MARK1: variants seen among roughly 807,000 people sequenced by gnomAD.
MARK1 encodes microtubule affinity regulating kinase 1.
A neutral mutation model predicts 96.3 loss-of-function variants in MARK1; 40 were observed. The observed-to-expected ratio is 0.42, with a 90% CI of 0.32 to 0.54. MARK1 has a LOEUF of 0.54. Ranked by LOEUF, MARK1 falls within the 20% of genes least tolerant of loss-of-function variation. MARK1 has a pLI of 0.16. For missense variants in MARK1, 719 were observed against 984.6 expected, an observed-to-expected ratio of 0.73 and a Z score of 3.61; for synonymous variants, 317 against 341.2, an observed-to-expected ratio of 0.93 and a Z score of 0.78.
intron 3 of MARK1, among the ~76,000 whole-genome samples, chr1:220,592,219 C>CATATT (rs66795891): frequency 0.17 from 22,507 of 136,336 alleles, 1,962 homozygotes; most frequent in East Asian, 0.26. Context: ...ATGATTATAT[C>CATATT]ATATTATATT....
chr1:220,585,460 A>T (rs1664531323), intron 3 of MARK1, among the ~76,000 whole-genome samples: 1 of 152,200 alleles, frequency 6.6e-6, no homozygotes, highest in Non-Finnish European at 1.5e-5. Context: ...TGAGAAAAAC[A>T]AACTGTGCAG....
intron 9 of MARK1, among the ~76,000 whole-genome samples, chr1:220,622,693 T>C (rs2102982240): frequency 6.6e-6 from 1 of 152,222 alleles, no homozygotes; most frequent in African/African-American, 2.4e-5. Flanking sequence ...GTCCAGGAGA[T>C]CGAGACCAGC....
At chr1:220,652,180 C>A in intron 15 of MARK1, 30 bp downstream of exon 15, 3 of 1,556,474 alleles carry the variant, frequency 1.9e-6, no homozygotes, top group South Asian at 1.2e-5. Flanking sequence ...TCATTTTGTT[C>A]ATTAAGAGTT....
Position 220,598,009 on chromosome 1 carries a change from T to C in MARK1, c.310-322T>C, listed in dbSNP as rs547227482. On this transcript the variant is annotated intron_variant, in intron 3 of 17. Transcript: ENST00000366917. ...TTTCATTTTCAGTGTTTTTCTTCTG[T>C]AGCTTTTCATAAGGAATGGTTAAAT... is the stretch of plus-strand genomic sequence containing the variant. Among the ~76,000 whole-genome samples, 5 of 152,308 alleles carry C rather than the reference T, an allele frequency of 3.3e-5. No homozygotes were observed. The South Asian group carries it at 1.0e-3, about 32-fold the overall frequency.
intron 1 of MARK1, among the ~76,000 whole-genome samples, chr1:220,543,372 G>C (rs1449505931): frequency 6.6e-6 from 1 of 152,110 alleles, no homozygotes; most frequent in Admixed American, 6.5e-5. Flanking sequence ...TCACTGAAAA[G>C]TTTGTACCAT....
rs552373542 is a variant in MARK1 at position 220,561,219 on chromosome 1, T to C, written c.52-18135T>C. On this transcript the variant is annotated intron_variant, in intron 1 of 17. Coordinates refer to ENST00000366917, the MANE Select transcript of MARK1 (RefSeq NM_018650.5). The stretch of plus-strand genomic sequence containing the variant: ...AAAGCTTTGAATATTCCAGGAAAGG[T>C]ATTTGAGACCAGAGTTAAACACATG... Among the ~76,000 whole-genome samples the C allele has an allele frequency of 9.9e-5, 15 of 152,216 alleles. No individual in the cohort carries two copies. The East Asian group carries it at 2.9e-3, about 29-fold the overall frequency.
At chr1:220,594,193 CTTGA>C (rs1165522727) in intron 3 of MARK1, among the ~76,000 whole-genome samples, 1 of 152,186 alleles carries the variant, frequency 6.6e-6, no homozygotes, top group Non-Finnish European at 1.5e-5. Flanking sequence ...AAATGAACAA[CTTGA>C]TTAACACATA....
Position 220,662,055 on chromosome 1 carries a change from C to G in MARK1, c.2277C>G (p.Val759=), listed in dbSNP as rs1356347571. The change falls in exon 18 of 18, where the codon GTC becomes GTG. Residue 759 remains valine (V), a synonymous_variant. Transcript: ENST00000366917. The part of the protein sequence containing the change: ...QDSLVQWEME[V]CKLPRLSLNG... ...GCCTCGTGCAGTGGGAGATGGAAGT[C>G]TGCAAGTTGCCACGACTGTCACTTA... 6.2e-7 allele frequency: 1 copy of G among 1,614,088 alleles called. No homozygotes were observed. The highest frequency in any genetic ancestry group is 1.3e-5 in the African/African-American group (1 of 74,930).
chr1:220,642,557 G>T (rs1048404855), intron 13 of MARK1, among the ~76,000 whole-genome samples: 4 of 152,198 alleles, frequency 2.6e-5, no homozygotes, highest in Non-Finnish European at 5.9e-5. Flanking sequence ...TGCTGACTCT[G>T]AAGAGTCTGG....
At position 220,663,156 on chromosome 1, in the gene MARK1, A is replaced by G. The variant is rs1171345841; in HGVS notation, c.*990A>G. The G allele has an allele frequency of 6.6e-6, 1 of 152,594 alleles. No individual in the cohort carries two copies. Among genetic ancestry groups the G allele is most frequent in the African/African-American group, 2.4e-5 (1 of 41,448 alleles). 9.5% of individuals were successfully genotyped at this position (152,594 alleles called of 1,614,324 possible). The stretch of plus-strand genomic sequence containing the variant: ...AACTGGCATTGGGAACATTTGCCTC[A>G]TTCTCCTGCTATCCTCTTCATTCAC... On this transcript the variant is annotated 3_prime_UTR_variant, in exon 18 of 18. Transcript: ENST00000366917.
At chr1:220,555,467 C>G (rs1378814434) in intron 1 of MARK1, among the ~76,000 whole-genome samples, 3 of 151,996 alleles carry the variant, frequency 2.0e-5, no homozygotes, top group Non-Finnish European at 2.9e-5. Flanking sequence ...ACAACTTGGT[C>G]TAAGTGGTAA....
chr1:220,595,553 G>A (rs761770012), intron 3 of MARK1, among the ~76,000 whole-genome samples: 21 of 152,224 alleles, frequency 1.4e-4, no homozygotes, highest in Admixed American at 2.6e-4. Flanking sequence ...ACGAGGCTCA[G>A]AGTAGGCACT....
Position 220,528,264 on chromosome 1 carries a change from G to C in MARK1, c.-559G>C, listed in dbSNP as rs1323103699. 6.6e-6 allele frequency: 1 copy of C among 151,052 alleles called. No individual in the cohort carries two copies. Among genetic ancestry groups the C allele is most frequent in the East Asian group, 1.9e-4 (1 of 5,142 alleles). The allele number at this position is 151,052 out of a possible 1,614,324, so 9.4% of individuals were successfully genotyped here. A position where few individuals can be genotyped will look rare whatever the true frequency, so the allele number is the denominator to read the frequency against. ...CGGTGGCTGTGACCGCGCGGACCGA[G>C]CCGAGACATTCGCGCCGGGGGATCG... is the stretch of plus-strand genomic sequence containing the variant. On this transcript the variant is annotated 5_prime_UTR_variant, in exon 1 of 18. Transcript: ENST00000366917.
intron 1 of MARK1, among the ~76,000 whole-genome samples, chr1:220,576,000 CTTCT>C (rs1572108570): frequency 1.8e-5 from 1 of 55,510 alleles, no homozygotes; most frequent in Non-Finnish European, 5.1e-5. Flanking sequence ...CTTTTTTTTT[CTTCT>C]CTCCCTCCCT....
At chr1:220,597,238 T>C (rs979661727) in intron 3 of MARK1, among the ~76,000 whole-genome samples, 2 of 152,194 alleles carry the variant, frequency 1.3e-5, no homozygotes, top group Non-Finnish European at 2.9e-5. Context: ...TACCCAGAAG[T>C]AGAATTACTA....
At chr1:220,620,965 C>G (rs1289579425) in intron 9 of MARK1, among the ~76,000 whole-genome samples, 1 of 152,008 alleles carries the variant, frequency 6.6e-6, no homozygotes, top group Non-Finnish European at 1.5e-5. Flanking sequence ...TTGGTGACTT[C>G]AAAAATTGTT....
Position 220,661,802 on chromosome 1 carries a change from C to A in MARK1, c.2034-10C>A, listed in dbSNP as rs756898602. 2.5e-6 allele frequency: 4 copies of A among 1,580,362 alleles called. No individual in the cohort carries two copies. In the East Asian group the frequency reaches 9.0e-5, roughly 35 times the overall value. On this transcript the variant is annotated splice_polypyrimidine_tract_variant and intron_variant, in intron 17 of 17. Transcript: ENST00000366917. ...TGCTTTCATTCTTTCCCTTTGCCCT[C>A]TTGTTCCAGAAGTACATCAGGGGAA...
chr1:220,576,628 T>C (rs887402339), intron 1 of MARK1: 1 of 152,204 alleles, frequency 6.6e-6, no homozygotes, highest in Admixed American at 6.5e-5. Flanking sequence ...TTTTAATGCG[T>C]ATTGCTTTTA....
At chr1:220,640,815 C>T (rs1350787782) in intron 13 of MARK1, among the ~76,000 whole-genome samples, 1 of 152,150 alleles carries the variant, frequency 6.6e-6, no homozygotes, top group Non-Finnish European at 1.5e-5. Flanking sequence ...ATAACTAACG[C>T]ACTTTCACAA....
Sources: gnomAD v4.1 joint callset for allele counts (sites outside exome capture counted in the v4.1 genomes callset) on GRCh38, gnomAD v4.1.1 for gene constraint, MANE v1.5 for transcripts, NCBI Gene and HGNC (gene_info 2026-07-23, HGNC 2026-07-21) for gene names.